FSIP1: variants seen among roughly 807,000 people sequenced by gnomAD.
FSIP1 encodes the protein fibrous sheath interacting protein 1.
Under a neutral mutation model 60.9 loss-of-function variants are expected in FSIP1, and 65 were observed. The observed-to-expected ratio is 1.07, with a 90% confidence interval of 0.87 to 1.31. The LOEUF (loss-of-function observed/expected upper bound fraction) is 1.31. Ranked by LOEUF, FSIP1 falls within the 40% of genes most tolerant of loss-of-function variation. The pLI, the probability that FSIP1 is intolerant of heterozygous loss-of-function variation, is 0.00. For missense variants in FSIP1, 675 were observed against 665.5 expected (o/e 1.01, Z -0.16); for synonymous variants, 209 against 221.2 (o/e 0.94, Z 0.49).
intron 8 of FSIP1, among the ~76,000 whole-genome samples, chr15:39,734,776 G>A (rs1896545188): frequency 6.6e-6 from 1 of 152,018 alleles, no homozygotes; most frequent in Non-Finnish European, 1.5e-5. Context: ...CGGTCGTAAT[G>A]AATATGAGCA....
chr15:39,611,981 A>G (rs945987522), intron 11 of FSIP1, among the ~76,000 whole-genome samples: 19 of 152,310 alleles, frequency 1.2e-4, no homozygotes, highest in African/African-American at 4.3e-4. Context: ...TTGTAAACAT[A>G]TACACACCCA....
chr15:39,747,484 C>G (rs141338542), intron 5 of FSIP1: 1 of 152,174 alleles, frequency 6.6e-6, no homozygotes, highest in East Asian at 1.9e-4. Flanking sequence ...ATAGCAACTT[C>G]TCTAATCCTG....
chr15:39,650,237 A>C (rs1325365313), intron 10 of FSIP1, among the ~76,000 whole-genome samples: 3 of 152,240 alleles, frequency 2.0e-5, no homozygotes, highest in Non-Finnish European at 2.9e-5. Flanking sequence ...TATAATATTC[A>C]GAATTTCACA....
At chr15:39,748,700 C>T (rs939274986) in intron 5 of FSIP1, among the ~76,000 whole-genome samples, 16 of 152,034 alleles carry the variant, frequency 1.1e-4, no homozygotes, top group Non-Finnish European at 2.1e-4. Context: ...GCAATAAATG[C>T]CTACATTATA....
At chr15:39,625,236 T>C (rs1221033867) in intron 10 of FSIP1, among the ~76,000 whole-genome samples, 2 of 152,172 alleles carry the variant, frequency 1.3e-5, no homozygotes, top group African/African-American at 4.8e-5. Context: ...GCTGGCTCCA[T>C]GGCTTCAAGG....
At chr15:39,609,365 TCAGTGATTA>T (rs1213616952) in intron 11 of FSIP1, among the ~76,000 whole-genome samples, 2 of 152,098 alleles carry the variant, frequency 1.3e-5, no homozygotes, top group Non-Finnish European at 2.9e-5. Flanking sequence ...CAAGGGCAGG[TCAGTGATTA>T]CCTAAGGAGG....
At chr15:39,642,822 C>A (rs1892431910) in intron 10 of FSIP1, among the ~76,000 whole-genome samples, 1 of 152,152 alleles carries the variant, frequency 6.6e-6, no homozygotes, top group Non-Finnish European at 1.5e-5. Context: ...AAGTTGATTC[C>A]TATGGCAAAG....
chr15:39,771,971 T>C (rs1163007125), intron 2 of FSIP1, among the ~76,000 whole-genome samples: 1 of 152,178 alleles, frequency 6.6e-6, no homozygotes, highest in Non-Finnish European at 1.5e-5. Flanking sequence ...CGGCTGGGTT[T>C]CACATGGGGG....
At chr15:39,619,860 A>G (rs1185372455) in intron 10 of FSIP1, among the ~76,000 whole-genome samples, 3 of 152,062 alleles carry the variant, frequency 2.0e-5, no homozygotes, top group Non-Finnish European at 2.9e-5. Flanking sequence ...TAGACACTAG[A>G]AAAAAAATCA....
chr15:39,677,864 T>C (rs1165743038), intron 10 of FSIP1, among the ~76,000 whole-genome samples: 3 of 151,882 alleles, frequency 2.0e-5, no homozygotes. Context: ...GGTGTGGTGG[T>C]GTATGCCTGT....
intron 11 of FSIP1, among the ~76,000 whole-genome samples, chr15:39,604,525 G>A (rs1890754689): frequency 6.6e-6 from 1 of 152,160 alleles, no homozygotes; most frequent in South Asian, 2.1e-4. Context: ...AAAATTAGTT[G>A]AAAGTAAATT....
At chr15:39,638,564 A>G (rs73393232) in intron 10 of FSIP1, among the ~76,000 whole-genome samples, 5,851 of 152,268 alleles carry the variant, frequency 0.038, 391 homozygotes, top group African/African-American at 0.13. Context: ...TCTTGCTACA[A>G]TCTTCAGAGT....
chr15:39,762,806 A>T (rs905799150), intron 5 of FSIP1, among the ~76,000 whole-genome samples: 11 of 152,234 alleles, frequency 7.2e-5, no homozygotes, highest in African/African-American at 2.4e-4. Flanking sequence ...GGAGGGAAAC[A>T]TGGACTCCAT....
chr15:39,602,413 A>G (rs1045017136), intron 11 of FSIP1: 1 of 454,586 alleles, frequency 2.2e-6, no homozygotes, highest in East Asian at 6.9e-5. Flanking sequence ...CAAAACTGTG[A>G]GAGAATAAAT....
intron 9 of FSIP1, among the ~76,000 whole-genome samples, chr15:39,726,184 C>A (rs1896187238): frequency 6.6e-6 from 1 of 152,068 alleles, no homozygotes; most frequent in South Asian, 2.1e-4. Flanking sequence ...AGCTTCACTG[C>A]TTGATGTTAA....
chr15:39,679,710 T>A (rs1314616057), intron 10 of FSIP1, among the ~76,000 whole-genome samples: 3 of 152,258 alleles, frequency 2.0e-5, no homozygotes, highest in African/African-American at 7.2e-5. Flanking sequence ...ACAGGAATAT[T>A]TATGCTAAAG....
intron 11 of FSIP1, among the ~76,000 whole-genome samples, chr15:39,612,439 T>C (rs1891070628): frequency 6.6e-6 from 1 of 152,046 alleles, no homozygotes; most frequent in African/African-American, 2.4e-5. Flanking sequence ...AAACTATATT[T>C]TGAGACAAAC....
chr15:39,750,117 G>A (rs1331675129), intron 5 of FSIP1, among the ~76,000 whole-genome samples: 1 of 151,826 alleles, frequency 6.6e-6, no homozygotes, highest in Admixed American at 6.6e-5. Context: ...GGAGGTAAAA[G>A]ACCTGGACAC....
chr15:39,598,357 C>A (rs900225171), downstream of FSIP1: 5 of 152,148 alleles, frequency 3.3e-5, no homozygotes, highest in Non-Finnish European at 7.3e-5. Context: ...ATTGCCAAAT[C>A]ATTTTATAGT....
Sources: allele counts gnomAD v4.1 joint callset (sites outside exome capture counted in the v4.1 genomes callset), GRCh38; gene constraint gnomAD v4.1.1; transcripts MANE v1.5; gene names NCBI Gene and HGNC (gene_info 2026-07-23, HGNC 2026-07-21).